Variants in PTPRO observed in about 807,000 individuals in gnomAD.
PTPRO encodes the protein protein tyrosine phosphatase receptor type O, also known as receptor-type tyrosine-protein phosphatase O.
Under a neutral mutation model 145.2 loss-of-function variants are expected in PTPRO, and 62 were observed. The observed-to-expected ratio is 0.43, with a 90% confidence interval of 0.35 to 0.53. The LOEUF (loss-of-function observed/expected upper bound fraction) is 0.53, where lower values mean the gene tolerates loss of function less well. Among genes scored for constraint, PTPRO ranks in the 20% least tolerant of loss-of-function variants. The pLI is 0.01. For missense variants in PTPRO, 1,345 were observed against 1,482.7 expected (o/e 0.91, Z 1.53); for synonymous variants, 565 against 514.7 (o/e 1.10, Z -1.32).
At chr12:15,365,060 C>T (rs1374183562) in intron 1 of PTPRO, among the ~76,000 whole-genome samples, 2 of 152,096 alleles carry the variant, frequency 1.3e-5, no homozygotes, top group Non-Finnish European at 2.9e-5. Context: ...GCTTTGTCCC[C>T]CTTCTGCATC....
At chr12:15,550,661 G>A (rs543867998) in intron 14 of PTPRO, among the ~76,000 whole-genome samples, 32 of 152,260 alleles carry the variant, frequency 2.1e-4, no homozygotes, top group African/African-American at 6.7e-4. Flanking sequence ...TTCTGTTTAA[G>A]CACTCTACTC....
chr12:15,395,792 C>A (rs2136292352), intron 1 of PTPRO, among the ~76,000 whole-genome samples: 1 of 144,706 alleles, frequency 6.9e-6, no homozygotes, highest in African/African-American at 2.7e-5. Flanking sequence ...TATATGACAG[C>A]ACTGGACAAT....
intron 1 of PTPRO, among the ~76,000 whole-genome samples, chr12:15,468,705 A>G (rs1251012913): frequency 6.6e-6 from 1 of 152,252 alleles, no homozygotes; most frequent in Non-Finnish European, 1.5e-5. Flanking sequence ...ACTAGAACAG[A>G]AACCAGATTT....
At chr12:15,573,873 A>AT (rs1042194596) in intron 19 of PTPRO, among the ~76,000 whole-genome samples, 7 of 152,200 alleles carry the variant, frequency 4.6e-5, no homozygotes, top group Non-Finnish European at 8.8e-5. Flanking sequence ...CAGCCCTCAC[A>AT]TTTTTTTGAA....
intron 1 of PTPRO, among the ~76,000 whole-genome samples, chr12:15,447,442 G>A (rs1026269790): frequency 6.6e-6 from 1 of 152,040 alleles, no homozygotes; most frequent in Non-Finnish European, 1.5e-5. Flanking sequence ...TTTCATTTAT[G>A]AGTTTAACTG....
At chr12:15,396,817 A>G (rs1437826966) in intron 1 of PTPRO, among the ~76,000 whole-genome samples, 1 of 152,208 alleles carries the variant, frequency 6.6e-6, no homozygotes, top group African/African-American at 2.4e-5. Flanking sequence ...AGCATTTACA[A>G]TAAAAATGGA....
intron 1 of PTPRO, among the ~76,000 whole-genome samples, chr12:15,448,356 A>AAAAAAAAAAAAAAAAAAAAAAAAAAC (rs1427992443): frequency 1.3e-5 from 2 of 149,236 alleles, no homozygotes; most frequent in Non-Finnish European, 3.0e-5. Context: ...AAAAAAAAAA[A>AAAAAAAAAAAAAAAAAAAAAAAAAAC]AAAAGCACCG....
chr12:15,403,115 CA>C (rs1227474974), intron 1 of PTPRO, among the ~76,000 whole-genome samples: 6 of 152,154 alleles, frequency 3.9e-5, no homozygotes, highest in Non-Finnish European at 7.3e-5. Flanking sequence ...GAATAAAATT[CA>C]AACCCCTTAC....
intron 23 of PTPRO, among the ~76,000 whole-genome samples, chr12:15,584,357 A>G (rs1209651053): frequency 1.3e-5 from 2 of 152,266 alleles, no homozygotes; most frequent in Admixed American, 1.3e-4. Flanking sequence ...GTGCAAACTG[A>G]TAACCAAATA....
At chr12:15,444,677 C>T (rs973894902) in intron 1 of PTPRO, among the ~76,000 whole-genome samples, 1 of 151,350 alleles carries the variant, frequency 6.6e-6, no homozygotes, top group Non-Finnish European at 1.5e-5. Context: ...ATAAAGGAGG[C>T]CCCAGAGAGA....
At chr12:15,448,516 A>G (rs1258724717) in intron 1 of PTPRO, among the ~76,000 whole-genome samples, 1 of 152,066 alleles carries the variant, frequency 6.6e-6, no homozygotes, top group East Asian at 1.9e-4. Flanking sequence ...TCAAAATGTC[A>G]AGAGAAAACA....
At position 15,322,736 on chromosome 12, in the gene PTPRO, C is replaced by T. The variant is rs763253930; in HGVS notation, c.10C>T (p.Leu4=). The change falls in exon 1 of 27, where the codon CTG becomes TTG. Residue 4 remains leucine (L), a synonymous_variant. Coordinates refer to ENST00000281171, the MANE Select transcript of PTPRO (RefSeq NM_030667.3). The surrounding 1 kb of genome is among the most constrained non-coding windows in gnomAD (Gnocchi z 6.3). The stretch of plus-strand genomic sequence containing the variant: ...CCCCGTCCGCGCAGCGATGGGGCAC[C>T]TGCCCACGGGGATACACGGCGCCCG... MGH[L]PTGIHGARRL... is the part of the protein sequence containing the mutation. 2 of 1,611,990 alleles carry T rather than the reference C, an allele frequency of 1.2e-6. No homozygotes were observed. The highest frequency in any genetic ancestry group is 2.2e-5 in the South Asian group (2 of 90,874).
chr12:15,509,703 A>AG (rs11407770), intron 7 of PTPRO, among the ~76,000 whole-genome samples: 1 of 151,430 alleles, frequency 6.6e-6, no homozygotes, highest in Non-Finnish European at 1.5e-5. Flanking sequence ...AAAGAAAAAA[A>AG]AAAAAGAATA....
rs1013052000 is a variant in PTPRO at position 15,322,654 on chromosome 12, G to T, written c.-73G>T. On this transcript the variant is annotated 5_prime_UTR_variant, in exon 1 of 27. Coordinates refer to ENST00000281171, the MANE Select transcript of PTPRO (RefSeq NM_030667.3). The surrounding 1 kb of genome is among the most constrained non-coding windows in gnomAD (Gnocchi z 6.3). ...CCCAGGGTCTGAGGCTGCAGCCCCA[G>T]TTCGCCATTGTGAGCCGCCGCCGGG... 3.0e-6 allele frequency: 4 copies of T among 1,320,418 alleles called. No individual in the cohort carries two copies. Among genetic ancestry groups the T allele is most frequent in the East Asian group, 2.5e-5 (1 of 40,168 alleles). The allele number at this position is 1,320,418 out of a possible 1,614,324, so 81.8% of individuals were successfully genotyped here. A position where few individuals can be genotyped will look rare whatever the true frequency, so the allele number is the denominator to read the frequency against.
chr12:15,362,050 TAA>T (rs1938226821), intron 1 of PTPRO, among the ~76,000 whole-genome samples: 1 of 152,140 alleles, frequency 6.6e-6, no homozygotes, highest in African/African-American at 2.4e-5. Context: ...TGGAGGAGAA[TAA>T]ATTCTCCTCC....
intron 1 of PTPRO, among the ~76,000 whole-genome samples, chr12:15,405,160 A>C (rs1158413959): frequency 6.6e-6 from 1 of 152,234 alleles, no homozygotes; most frequent in Non-Finnish European, 1.5e-5. Context: ...CATTTAGTCC[A>C]TAGCAGATAG....
intron 1 of PTPRO, among the ~76,000 whole-genome samples, chr12:15,432,406 A>T (rs927007531): frequency 1.3e-5 from 2 of 152,186 alleles, no homozygotes; most frequent in Non-Finnish European, 2.9e-5. Context: ...TCTACTGCTG[A>T]TGGGCATTTA....
At chr12:15,367,644 G>A (rs1420488715) in intron 1 of PTPRO, among the ~76,000 whole-genome samples, 2 of 152,038 alleles carry the variant, frequency 1.3e-5, no homozygotes. Flanking sequence ...CCTGAAACTG[G>A]GCTTCTCAAA....
chr12:15,446,134 ATTG>A (rs1940895300), intron 1 of PTPRO, among the ~76,000 whole-genome samples: 1 of 152,224 alleles, frequency 6.6e-6, no homozygotes, highest in Admixed American at 6.5e-5. Context: ...ATGTTATTCT[ATTG>A]TTCAATTTGA....
Sources: allele counts gnomAD v4.1 joint callset (sites outside exome capture counted in the v4.1 genomes callset), GRCh38; gene constraint gnomAD v4.1.1; non-coding constraint Gnocchi (gnomAD v3.1); transcripts MANE v1.5; gene names NCBI Gene and HGNC (gene_info 2026-07-23, HGNC 2026-07-21).